Variants in CEP78 observed in about 807,000 individuals in gnomAD.
CEP78 encodes centrosomal protein of 78 kDa.
CEP78 carries 76 observed loss-of-function variants against 81.2 expected under a neutral mutation model. The observed-to-expected ratio is 0.94, with a 90% CI of 0.78 to 1.13. CEP78 has a LOEUF of 1.13. Among genes scored for constraint, CEP78 ranks in the 50% most tolerant of loss-of-function variants. CEP78 has a pLI of 0.00. For missense variants in CEP78, 918 were observed against 846.8 expected (o/e 1.08, Z -1.04); for synonymous variants, 293 against 301.4 (o/e 0.97, Z 0.29).
At chr9:78,242,452 C>G (rs892249312) in intron 4 of CEP78, among the ~76,000 whole-genome samples, 8 of 152,196 alleles carry the variant, frequency 5.3e-5, no homozygotes, top group African/African-American at 1.9e-4. Context: ...CATTTAATAA[C>G]TTGTGACCAT....
chr9:78,250,804 T>A (rs1376840629), intron 8 of CEP78, among the ~76,000 whole-genome samples: 1 of 152,042 alleles, frequency 6.6e-6, no homozygotes, highest in African/African-American at 2.4e-5. Flanking sequence ...ACACAGTAAC[T>A]TTTTTTTAGG....
At chr9:78,261,029 C>T (rs1827250746) in intron 11 of CEP78, among the ~76,000 whole-genome samples, 1 of 152,084 alleles carries the variant, frequency 6.6e-6, no homozygotes, top group Non-Finnish European at 1.5e-5. Context: ...CAGCTCACTG[C>T]AACCTCTGCC....
At chr9:78,244,574 T>C (rs954464611) in intron 5 of CEP78, among the ~76,000 whole-genome samples, 1 of 152,246 alleles carries the variant, frequency 6.6e-6, no homozygotes, top group Admixed American at 6.5e-5. Context: ...GTGTCTATTT[T>C]AAAACCTTAA....
At chr9:78,241,926 A>AAG (rs1826252923) in intron 4 of CEP78, 127 bp downstream of exon 4, 1 of 529,132 alleles carries the variant, frequency 1.9e-6, no homozygotes, top group Non-Finnish European at 3.3e-6. Flanking sequence ...GTTTTGTTTA[A>AAG]AGAATGTGAC....
Position 78,274,689 on chromosome 9 carries a change from ATAATG to A in CEP78, c.*3843_*3847del, listed in dbSNP as rs1827766090. 1 of 152,214 alleles carries A rather than the reference ATAATG, an allele frequency of 6.6e-6. No individual in the cohort carries two copies. Among genetic ancestry groups the A allele is most frequent in the Non-Finnish European group, 1.5e-5 (1 of 68,022 alleles). The allele number at this position is 152,214 out of a possible 1,614,324, so 9.4% of individuals were successfully genotyped here. A position where few individuals can be genotyped will look rare whatever the true frequency, so the allele number is the denominator to read the frequency against. ...AGATCATACAGATCATGTGCTCTGT[ATAATG>A]TAATAATAGTAACAAAAGGCCTGTC... On this transcript the variant is annotated 3_prime_UTR_variant, in exon 17 of 17. Transcript: ENST00000643273.
intron 4 of CEP78, among the ~76,000 whole-genome samples, chr9:78,243,097 A>G (rs1225874321): frequency 6.6e-6 from 1 of 152,202 alleles, no homozygotes; most frequent in Non-Finnish European, 1.5e-5. Context: ...TTTAGAGACC[A>G]CTGGAGGACA....
chr9:78,261,407 A>T (rs1827267706), intron 11 of CEP78, among the ~76,000 whole-genome samples: 1 of 152,166 alleles, frequency 6.6e-6, no homozygotes, highest in Non-Finnish European at 1.5e-5. Flanking sequence ...GAAGGGAGAA[A>T]GGGGAGCAGC....
chr9:78,237,927 T>G (rs1391324958), intron 1 of CEP78, among the ~76,000 whole-genome samples: 3 of 129,948 alleles, frequency 2.3e-5, no homozygotes, highest in Non-Finnish European at 4.7e-5. Context: ...CTCACCAACA[T>G]GGTGAAACCC....
intron 1 of CEP78, among the ~76,000 whole-genome samples, chr9:78,239,339 A>G (rs1332850155): frequency 6.6e-6 from 1 of 152,206 alleles, no homozygotes; most frequent in Non-Finnish European, 1.5e-5. Flanking sequence ...CAAAAAGGAA[A>G]AGACATGCTT....
chr9:78,270,732 C>A, intron 16 of CEP78, 109 bp from the exon 17 acceptor site: 2 of 572,730 alleles, frequency 3.5e-6, no homozygotes, highest in South Asian at 2.4e-5. Context: ...ACTTGATTTT[C>A]AGAGGATCGG....
rs1321069332 is a variant in CEP78, at chr9:78,266,003, CAA to C, written c.1845+99_1845+100del. On this transcript the variant is annotated intron_variant, in intron 15 of 16. Coordinates refer to ENST00000643273, the MANE Select transcript of CEP78 (RefSeq NM_001330691.3). ...CATCTAGTTATGGGAATGGGAGGGG[CAA>C]ACCTGTCTGCCACAGGAGTCCCCTG... The C allele has an allele frequency of 4.5e-6, 3 of 670,970 alleles. No homozygotes were observed. The South Asian group carries it at 5.4e-5, about 12-fold the overall frequency. The allele number at this position is 670,970 out of a possible 1,614,324, so 41.6% of individuals were successfully genotyped here. A position where few individuals can be genotyped will look rare whatever the true frequency, so the allele number is the denominator to read the frequency against.
At position 78,272,613 on chromosome 9, in the gene CEP78, G is replaced by GA. The variant is rs1159715515; in HGVS notation, c.*1768dup. On this transcript the variant is annotated 3_prime_UTR_variant, in exon 17 of 17. Transcript: ENST00000643273. ...TAGTGTTTGATTCTAGGTATTGATT[G>GA]AAAAAATATATTAAAATATATATAA... The GA allele has an allele frequency of 6.6e-6, 1 of 152,148 alleles. No individual in the cohort carries two copies. Among genetic ancestry groups the GA allele is most frequent in the Non-Finnish European group, 1.5e-5 (1 of 68,030 alleles). 9.4% of individuals were successfully genotyped at this position (152,148 alleles called of 1,614,324 possible). A position where few individuals can be genotyped will look rare whatever the true frequency, so the allele number is the denominator to read the frequency against.
rs773044931 is a variant in CEP78, at chr9:78,270,872, A to T, written c.*21A>T. On this transcript the variant is annotated 3_prime_UTR_variant, in exon 17 of 17. Coordinates refer to ENST00000643273, the MANE Select transcript of CEP78 (RefSeq NM_001330691.3). ...ATTGAAATGACTGGAGAAATATTAA[A>T]ATAAAAATAATAGCAGAGTTGGAAA... The T allele has an allele frequency of 5.8e-6, 4 of 686,640 alleles. No individual in the cohort carries two copies. In the African/African-American group the frequency reaches 7.2e-5, roughly 12 times the overall value. The allele number at this position is 686,640 out of a possible 1,614,324, so 42.5% of individuals were successfully genotyped here. A position where few individuals can be genotyped will look rare whatever the true frequency, so the allele number is the denominator to read the frequency against.
At position 78,275,118 on chromosome 9, in the gene CEP78, A is replaced by G. The variant is rs1253970534; in HGVS notation, c.*4267A>G. Reference sequence around the variant, plus strand: ...TAATTTTAGAAGGATACCTACAACTAGAAGAGATATTTTTAATTATGAGCA... The same window carrying G: ...TAATTTTAGAAGGATACCTACAACTGGAAGAGATATTTTTAATTATGAGCA... On this transcript the variant is annotated 3_prime_UTR_variant, in exon 17 of 17. Transcript: ENST00000643273. The G allele has an allele frequency of 6.6e-6, 1 of 152,222 alleles. No homozygotes were observed. The highest frequency in any genetic ancestry group is 1.5e-5 in the Non-Finnish European group (1 of 68,024). 9.4% of individuals were successfully genotyped at this position (152,222 alleles called of 1,614,324 possible).
At chr9:78,247,503 G>A (rs975782135) in intron 6 of CEP78, among the ~76,000 whole-genome samples, 2 of 152,224 alleles carry the variant, frequency 1.3e-5, no homozygotes, top group Non-Finnish European at 1.5e-5. Context: ...AGACTGGTAT[G>A]CTACAAAGTC....
chr9:78,261,756 C>G (rs1827286184), intron 11 of CEP78, among the ~76,000 whole-genome samples: 3 of 152,006 alleles, frequency 2.0e-5, no homozygotes, highest in Admixed American at 1.3e-4. Context: ...GATAACAGTT[C>G]TAAATATTAA....
In CEP78 at chr9:78,236,476, G is replaced by A. The variant is rs372654847; in HGVS notation, c.126G>A (p.Val42=). The change falls in exon 1 of 17, where the codon GTG becomes GTA. Residue 42 remains valine, a synonymous_variant. Coordinates refer to ENST00000643273, the MANE Select transcript of CEP78 (RefSeq NM_001330691.3). Reference sequence around the variant, plus strand: ...TGCGCGCCTGTCTCCGGGAGGGCGTGCTGGATTTCAACGCCGACCGCCTCC... The same window carrying A: ...TGCGCGCCTGTCTCCGGGAGGGCGTACTGGATTTCAACGCCGACCGCCTCC... The part of the protein sequence containing the change: ...PAVRACLREG[V]LDFNADRLRG... 26 of 1,607,202 alleles carry A rather than the reference G, an allele frequency of 1.6e-5. 1 individual carries two copies. In the African/African-American group the frequency reaches 3.3e-4, roughly 21 times the overall value.
At chr9:78,256,995 G>A (rs1827064544) in intron 11 of CEP78, among the ~76,000 whole-genome samples, 1 of 151,796 alleles carries the variant, frequency 6.6e-6, no homozygotes. Context: ...AGAAAGGCAG[G>A]AATGGAAAAT....
chr9:78,268,721 C>T (rs191110997), intron 16 of CEP78, among the ~76,000 whole-genome samples: 6 of 135,290 alleles, frequency 4.4e-5, no homozygotes, highest in Admixed American at 2.6e-4. Context: ...CTTGCTCTGT[C>T]GCCCAGGCTG....
Sources: allele counts gnomAD v4.1 joint callset (sites outside exome capture counted in the v4.1 genomes callset), GRCh38; gene constraint gnomAD v4.1.1; transcripts MANE v1.5; gene names NCBI Gene and HGNC (gene_info 2026-07-23, HGNC 2026-07-21).